Variants in COL24A1 observed in about 807,000 individuals in gnomAD.
COL24A1 encodes collagen type XXIV alpha 1 chain.
A neutral mutation model predicts 253.9 loss-of-function variants in COL24A1; 224 were observed. That is an observed-to-expected ratio of 0.88 (90% CI 0.79 to 0.99). The LOEUF is 0.99. Ranked by LOEUF, COL24A1 falls within the 50% of genes least tolerant of loss-of-function variation. COL24A1 has a pLI of 0.00. For missense variants in COL24A1, 2,131 were observed against 2,068.5 expected (o/e 1.03, Z -0.59); for synonymous variants, 685 against 673.7 (o/e 1.02, Z -0.26).
At chr1:86,083,315 T>TAA (rs1702812308) in intron 7 of COL24A1, among the ~76,000 whole-genome samples, 1 of 149,438 alleles carries the variant, frequency 6.7e-6, no homozygotes, top group East Asian at 2.0e-4. Context: ...TATATATATA[T>TAA]AAATAAATAA....
At chr1:85,890,665 G>A (rs1304080720) in intron 31 of COL24A1, among the ~76,000 whole-genome samples, 1 of 151,832 alleles carries the variant, frequency 6.6e-6, no homozygotes, top group East Asian at 1.9e-4. Flanking sequence ...CCTATATTGT[G>A]ACAAATAATT....
intron 19 of COL24A1, among the ~76,000 whole-genome samples, chr1:85,991,669 T>C (rs1019837394): frequency 9.2e-5 from 14 of 152,182 alleles, no homozygotes; most frequent in Non-Finnish European, 1.5e-4. Flanking sequence ...TGAATATACG[T>C]GTGAATCTCT....
At chr1:85,896,283 T>C (rs1259043893) in intron 29 of COL24A1, 73 bp downstream of exon 29, 4 of 1,397,264 alleles carry the variant, frequency 2.9e-6, no homozygotes, top group African/African-American at 1.4e-5. Flanking sequence ...AAATATATTG[T>C]TTTTTAGACT....
intron 19 of COL24A1, among the ~76,000 whole-genome samples, chr1:86,005,835 C>A (rs1211353087): frequency 6.6e-6 from 1 of 152,080 alleles, no homozygotes; most frequent in African/African-American, 2.4e-5. Flanking sequence ...TGAACAAAAT[C>A]CTCCTGGAAT....
At chr1:86,108,620 TAAAAAAAAAAAAA>T (rs55852463) in intron 5 of COL24A1, among the ~76,000 whole-genome samples, 14 of 83,096 alleles carry the variant, frequency 1.7e-4, no homozygotes, top group Middle Eastern at 0.017. Flanking sequence ...CCATCTCTAC[TAAAAAAAAAAAAA>T]AAAAAAAAAA....
intron 5 of COL24A1, among the ~76,000 whole-genome samples, chr1:86,107,707 T>C (rs2102105101): frequency 6.6e-6 from 1 of 151,956 alleles, no homozygotes; most frequent in South Asian, 2.1e-4. Context: ...GCTAATTTTT[T>C]TGTATTTTTA....
chr1:86,096,415 C>A (rs1703893809), intron 5 of COL24A1, among the ~76,000 whole-genome samples: 1 of 152,042 alleles, frequency 6.6e-6, no homozygotes, highest in Non-Finnish European at 1.5e-5. Flanking sequence ...ACCACATAAG[C>A]TTCATAATCT....
chr1:85,809,439 G>A (rs1463414162), intron 47 of COL24A1, among the ~76,000 whole-genome samples: 1 of 152,174 alleles, frequency 6.6e-6, no homozygotes, highest in Non-Finnish European at 1.5e-5. Context: ...GAATGATCAA[G>A]GACAACTTGG....
chr1:85,754,550 T>TAAA (rs34069021), intron 55 of COL24A1, among the ~76,000 whole-genome samples: 1 of 111,004 alleles, frequency 9.0e-6, no homozygotes, highest in East Asian at 2.6e-4. Context: ...AAAAAAAAAT[T>TAAA]AAAAAAAAAA....
chr1:85,969,604 CAAAAAAAAAAAAAAAAAAA>C lies in COL24A1; in HGVS notation c.2463+604_2463+622del, dbSNP rs61128567. Among the ~76,000 whole-genome samples, 16 of 27,478 alleles carry C rather than the reference CAAAAAAAAAAAAAAAAAAA, an allele frequency of 5.8e-4. 1 individual carries two copies. The Admixed American group carries it at 0.011, about 18-fold the overall frequency. The allele number at this position is 27,478 out of a possible 152,430, so 18.0% of individuals were successfully genotyped here. ...TGGATGACAGAGTGAGACTCTGTCT[CAAAAAAAAAAAAAAAAAAA>C]AAAAAAAAAAAAGGAAGAACCAGTA... On this transcript the variant is annotated intron_variant, in intron 22 of 59. Transcript: ENST00000370571.
At chr1:85,869,249 C>T (rs970212285) in intron 35 of COL24A1, among the ~76,000 whole-genome samples, 1 of 152,050 alleles carries the variant, frequency 6.6e-6, no homozygotes, top group Non-Finnish European at 1.5e-5. Flanking sequence ...CAGTTATGAC[C>T]ACTCTACCAG....
At chr1:85,976,404 G>A (rs897302296) in intron 20 of COL24A1, among the ~76,000 whole-genome samples, 53 of 152,142 alleles carry the variant, frequency 3.5e-4, no homozygotes, top group African/African-American at 1.3e-3. Context: ...AGGGTATTAT[G>A]GAACAAAATG....
intron 47 of COL24A1, among the ~76,000 whole-genome samples, chr1:85,812,205 T>C (rs996734699): frequency 6.6e-6 from 1 of 152,212 alleles, no homozygotes; most frequent in African/African-American, 2.4e-5. Context: ...CAAAATGGCA[T>C]GTATTGAAAC....
chr1:85,755,134 A>G (rs990067777), intron 55 of COL24A1, among the ~76,000 whole-genome samples: 2 of 152,228 alleles, frequency 1.3e-5, no homozygotes, highest in Non-Finnish European at 2.9e-5. Context: ...GTGAGCAGGC[A>G]GTAGGATAAT....
intron 39 of COL24A1, among the ~76,000 whole-genome samples, chr1:85,843,298 T>C (rs1317835230): frequency 6.6e-6 from 1 of 152,324 alleles, no homozygotes; most frequent in South Asian, 2.1e-4. Context: ...GATTAGTAAA[T>C]TTAGACTCAT....
intron 37 of COL24A1, among the ~76,000 whole-genome samples, chr1:85,867,380 G>A (rs1679907729): frequency 6.6e-6 from 1 of 152,342 alleles, no homozygotes; most frequent in Non-Finnish European, 1.5e-5. Flanking sequence ...TGGTTTATGG[G>A]AAGGAGTAAA....
intron 24 of COL24A1, among the ~76,000 whole-genome samples, chr1:85,959,549 T>A (rs1056722411): frequency 6.6e-5 from 10 of 152,164 alleles, no homozygotes; most frequent in Admixed American, 2.6e-4. Flanking sequence ...GTGCTCCAGA[T>A]TCCTAATTTT....
chr1:86,127,353 C>T (rs1000865014), intron 2 of COL24A1, among the ~76,000 whole-genome samples: 4 of 151,972 alleles, frequency 2.6e-5, no homozygotes, highest in African/African-American at 9.7e-5. Flanking sequence ...TGTTTGTCTC[C>T]TTTACCCAAT....
At chr1:85,843,054 T>A (rs1379243731) in intron 39 of COL24A1, among the ~76,000 whole-genome samples, 1 of 152,080 alleles carries the variant, frequency 6.6e-6, no homozygotes, top group Non-Finnish European at 1.5e-5. Flanking sequence ...GTCCTATATT[T>A]CATATTAGCA....
Sources: gnomAD v4.1 joint callset for allele counts (sites outside exome capture counted in the v4.1 genomes callset) on GRCh38, gnomAD v4.1.1 for gene constraint, MANE v1.5 for transcripts, NCBI Gene and HGNC (gene_info 2026-07-23, HGNC 2026-07-21) for gene names.